The following NOTCH1 variants were observed in gnomAD, a reference collection of about 807,000 sequenced individuals.
NOTCH1 encodes notch receptor 1.
NOTCH1 carries 37 observed loss-of-function variants against 254.8 expected under a neutral mutation model. The ratio of observed to expected loss-of-function variants is 0.15; its 90% CI spans 0.11 to 0.19. NOTCH1 has a LOEUF of 0.19. Ranked by LOEUF, NOTCH1 falls within the 10% of genes least tolerant of loss-of-function variation. NOTCH1 has a pLI of 1.00. For missense variants in NOTCH1, 2,972 were observed against 3,708.6 expected, an observed-to-expected ratio of 0.80 and a Z score of 5.16; for synonymous variants, 1,731 against 1,618.1, an observed-to-expected ratio of 1.07 and a Z score of -1.68.
At chr9:136,522,398 G>A (rs1021751878) in intron 4 of NOTCH1, among the ~76,000 whole-genome samples, 6 of 152,330 alleles carry the variant, frequency 3.9e-5, no homozygotes, top group Admixed American at 6.5e-5. Context: ...CTGGGGACAC[G>A]GGCAGGCGGC....
intron 2 of NOTCH1, among the ~76,000 whole-genome samples, chr9:136,530,083 C>T (rs1470085249): frequency 6.6e-6 from 1 of 152,208 alleles, no homozygotes; most frequent in Non-Finnish European, 1.5e-5. Context: ...GGAGCCAGCC[C>T]CAAACAGCCG....
intron 4 of NOTCH1, among the ~76,000 whole-genome samples, chr9:136,522,040 G>T (rs1164279709): frequency 5.3e-5 from 8 of 151,226 alleles, no homozygotes; most frequent in South Asian, 2.1e-4. Context: ...TGCAGTGGCG[G>T]GATCTCGGCT....
Position 136,505,416 on chromosome 9 carries a change from G to A in NOTCH1, c.4480C>T (p.Leu1494=), listed in dbSNP as rs983196591. 3.7e-6 allele frequency: 6 copies of A among 1,612,840 alleles called. No homozygotes were observed. In the Admixed American group the frequency reaches 5.0e-5, roughly 13 times the overall value. ...TCACTGAAGTACTTCCAGCACTGCA[G>A]AGACTGCGTGCAGTTCTTCCAGGGG... ...NDPWKNCTQS[L]QCWKYFSDGH... The change falls in exon 25 of 34, where the codon CTG becomes TTG. Residue 1494 remains leucine, a synonymous_variant. Transcript: ENST00000651671.
At position 136,497,326 on chromosome 9, in the gene NOTCH1, G is replaced by A. The variant is rs756571156; in HGVS notation, c.6413C>T (p.Pro2138Leu). The change falls in exon 34 of 34, where the codon CCG (proline) becomes CTG (leucine). Residue 2138 changes from proline to leucine, a missense_variant. This residue lies in a region of NOTCH1 where 529 missense variants were observed against 529.2 expected (regional missense o/e 1.00). Transcript: ENST00000651671. ...CAGGTAGCCGTTGGGCGAGCAGAGC[G>A]GGGGCGACAGGGTGGGCGTGCCCCC... is the stretch of plus-strand genomic sequence containing the variant. ...PLGGTPTLSP[P>L]LCSPNGYLGS... 37 of 1,606,008 alleles carry A rather than the reference G, an allele frequency of 2.3e-5. No homozygotes were observed. Among genetic ancestry groups the A allele is most frequent in the Non-Finnish European group, 3.0e-5 (35 of 1,179,394 alleles).
rs1385796785 is a variant in NOTCH1, at chr9:136,506,662, G to A, written c.3902-23C>T. On this transcript the variant is annotated intron_variant, in intron 23 of 33. Coordinates refer to ENST00000651671, the MANE Select transcript of NOTCH1 (RefSeq NM_017617.5). This position sits in a 1 kb window ranked among gnomAD's most constrained non-coding sequence, Gnocchi z 4.5. Reference sequence around the variant, plus strand: ...GCCCTAGGGGTAAGAGCAGGGCAGTGAGAGGCTCACCCTGCTGCCCCACAC... The same window carrying A: ...GCCCTAGGGGTAAGAGCAGGGCAGTAAGAGGCTCACCCTGCTGCCCCACAC... 2 of 1,599,966 alleles carry A rather than the reference G, an allele frequency of 1.3e-6. No individual in the cohort carries two copies. The highest frequency in any genetic ancestry group is 1.7e-5 in the Admixed American group (1 of 57,826).
At chr9:136,529,830 C>T (rs113055984) in intron 2 of NOTCH1, among the ~76,000 whole-genome samples, 5,395 of 152,384 alleles carry the variant, frequency 0.035, 151 homozygotes, top group Middle Eastern at 0.075. Context: ...GGGCCCACGA[C>T]AGCCCAGCAC....
rs1269171662 is a variant in NOTCH1, at chr9:136,500,798, C to T, written c.5688G>A (p.Glu1896=). The T allele has an allele frequency of 1.2e-6, 2 of 1,600,348 alleles. No homozygotes were observed. Among genetic ancestry groups the T allele is most frequent in the South Asian group, 1.1e-5 (1 of 91,042 alleles). ...MIASCSGGGL[E]TGNSEEEEDA... is the part of the protein sequence containing the mutation. The stretch of plus-strand genomic sequence containing the variant: ...CCTCCTCTTCCTCGCTGTTGCCCGT[C>T]TCCAGGCCGCCCCCGCTGCAGGAGG... The change falls in exon 31 of 34, where the codon GAG becomes GAA. Residue 1896 remains glutamate, a synonymous_variant. Transcript: ENST00000651671.
rs2133370746 is a variant in NOTCH1, at chr9:136,518,631, A to G, written c.1059T>C (p.Arg353=). 5 of 1,612,830 alleles carry G rather than the reference A, an allele frequency of 3.1e-6. No individual in the cohort carries two copies. The highest frequency in any genetic ancestry group is 4.2e-6 in the Non-Finnish European group (5 of 1,179,964). ...ACFHGATCHD[R]VASFYCECPH... ...GACACTCGCAGTAGAAGGAGGCCAC[A>G]CGGTCATGGCAGGTGGCGCCGTGGA... The change falls in exon 6 of 34, where the codon CGT becomes CGC. Residue 353 remains arginine (R), a synonymous_variant. Coordinates refer to ENST00000651671, the MANE Select transcript of NOTCH1 (RefSeq NM_017617.5).
rs1842920368 is a variant in NOTCH1, at chr9:136,496,682, T to C, written c.7057A>G (p.Ser2353Gly). The C allele has an allele frequency of 1.2e-6, 2 of 1,612,734 alleles. No individual in the cohort carries two copies. Among genetic ancestry groups the C allele is most frequent in the African/African-American group, 1.3e-5 (1 of 74,926 alleles). The stretch of plus-strand genomic sequence containing the variant: ...TGGGACAGGGCGCTGGCAGCAAGGC[T>C]ACTGTGCAGCGGGCCTACCATGCCA... ...QHGMVGPLHS[S>G]LAASALSQMM... is the part of the protein sequence containing the mutation. The change falls in exon 34 of 34, where the codon AGC becomes GGC. Residue 2353 changes from serine to glycine, a missense_variant. This residue lies in a region of NOTCH1 where 529 missense variants were observed against 529.2 expected (regional missense o/e 1.00). Coordinates refer to ENST00000651671, the MANE Select transcript of NOTCH1 (RefSeq NM_017617.5).
In NOTCH1 at chr9:136,509,859, T is replaced by A. The variant is rs2133350966; in HGVS notation, c.2843A>T (p.Glu948Val). 6.2e-7 allele frequency: 1 copy of A among 1,613,038 alleles called. No homozygotes were observed. Among genetic ancestry groups the A allele is most frequent in the Non-Finnish European group, 8.5e-7 (1 of 1,180,006 alleles). The change falls in exon 18 of 34, where the codon GAG (glutamate) becomes GTG (valine). Residue 948 changes from glutamate (E) to valine (V), a missense_variant. Glu to Val is a moderately radical substitution (Grantham distance 121). Around this residue, in one of 8 missense-constraint regions of NOTCH1, gnomAD observed 1,343 missense variants for 1,557.0 expected, o/e 0.86. Transcript: ENST00000651671. ...RGTFCEEDIN[E>V]CASDPCRNGA... ...GTTGCGGCAGGGGTCACTGGCACAC[T>A]CGTTGATGTCCTCCTCACAGAAAGT...
Position 136,501,200 on chromosome 9 carries a change from G to A in NOTCH1, c.5639-353C>T, listed in dbSNP as rs143952127. Among the ~76,000 whole-genome samples, 7 of 152,326 alleles carry A rather than the reference G, an allele frequency of 4.6e-5. No individual in the cohort carries two copies. The East Asian group carries it at 5.8e-4, about 13-fold the overall frequency. The stretch of plus-strand genomic sequence containing the variant: ...TGTCATCCTAGCACTGGGGGAGGCC[G>A]AGGTGGGCGGATCACCTGAGGTCAG... On this transcript the variant is annotated intron_variant, in intron 30 of 33. Coordinates refer to ENST00000651671, the MANE Select transcript of NOTCH1 (RefSeq NM_017617.5).
chr9:136,530,224 C>T (rs1299500675), intron 2 of NOTCH1, among the ~76,000 whole-genome samples: 10 of 152,248 alleles, frequency 6.6e-5, no homozygotes, highest in Admixed American at 6.5e-5. Flanking sequence ...CAGCTGTTGC[C>T]GGCACCCCCA....
intron 26 of NOTCH1, among the ~76,000 whole-genome samples, chr9:136,504,008 G>T (rs1037178627): frequency 6.6e-6 from 1 of 151,506 alleles, no homozygotes; most frequent in African/African-American, 2.4e-5. Context: ...CCCACCGTGG[G>T]ACCCCCCACC....
chr9:136,523,549 C>T (rs1169017795), intron 3 of NOTCH1, among the ~76,000 whole-genome samples, 168 bp downstream of exon 3: 2 of 152,164 alleles, frequency 1.3e-5, no homozygotes, highest in African/African-American at 2.4e-5. Context: ...CAGCTGAAAA[C>T]GAGGCGATTC....
chr9:136,509,656 G>C (rs1843146173), intron 18 of NOTCH1, 77 bp downstream of exon 18: 2 of 1,353,776 alleles, frequency 1.5e-6, no homozygotes, highest in African/African-American at 1.4e-5. Flanking sequence ...CGCCTGCATG[G>C]TGTGCCAGGC....
At chr9:136,543,878 G>A in intron 2 of NOTCH1, 146 bp downstream of exon 2, 2 of 788,842 alleles carry the variant, frequency 2.5e-6, no homozygotes, top group Non-Finnish European at 4.4e-6. Flanking sequence ...GCCAGACTTT[G>A]TCCAATAAAA....
At chr9:136,533,902 G>A (rs1252333883) in intron 2 of NOTCH1, among the ~76,000 whole-genome samples, 2 of 152,232 alleles carry the variant, frequency 1.3e-5, no homozygotes, top group Non-Finnish European at 2.9e-5. Context: ...GATGAGGCAC[G>A]AACGCATCTC....
chr9:136,515,200 T>G (rs2133362052), intron 12 of NOTCH1, 90 bp downstream of exon 12: 2 of 1,273,216 alleles, frequency 1.6e-6, no homozygotes, highest in South Asian at 2.4e-5. Context: ...ACCAAAGCCC[T>G]CACCCAACCC....
intron 19 of NOTCH1, 22 bp downstream of exon 19, chr9:136,508,848 C>A (rs1475077815): frequency 6.5e-7 from 1 of 1,536,740 alleles, no homozygotes; most frequent in African/African-American, 1.4e-5. Context: ...CCTTCGGGCA[C>A]CTCTGTGGCC....
Sources: allele counts gnomAD v4.1 joint callset (sites outside exome capture counted in the v4.1 genomes callset), GRCh38; gene constraint gnomAD v4.1.1; regional missense constraint gnomAD v4.1.1; non-coding constraint Gnocchi (gnomAD v3.1); transcripts MANE v1.5; gene names NCBI Gene and HGNC (gene_info 2026-07-23, HGNC 2026-07-21).